SEC16A: variants seen among roughly 807,000 people sequenced by gnomAD.
SEC16A encodes protein transport protein Sec16A.
In SEC16A, 110 loss-of-function variants were observed where a neutral mutation model predicts 221.9. The ratio of observed to expected loss-of-function variants is 0.50; its 90% CI spans 0.42 to 0.58. The LOEUF is 0.58. Ranked by LOEUF, SEC16A falls within the 20% of genes least tolerant of loss-of-function variation. The pLI, the probability that SEC16A is intolerant of heterozygous loss-of-function variation, is 0.00. For missense variants in SEC16A, 3,165 were observed against 3,097.8 expected (o/e 1.02, Z -0.52); for synonymous variants, 1,393 against 1,257.7 (o/e 1.11, Z -2.28).
In SEC16A at chr9:136,459,901, C is replaced by G. The variant is rs532036506; in HGVS notation, c.5074-27G>C. On this transcript the variant is annotated intron_variant, in intron 14 of 31. Coordinates refer to ENST00000684901, the MANE Select transcript of SEC16A (RefSeq NM_014866.2). This position sits in a 1 kb window ranked among gnomAD's most constrained non-coding sequence, Gnocchi z 6.1. ...TAACATGAGGAAAAACAAAACGAAG[C>G]CTCATCCCCGGAAGCCAGCGCCATT... 1.9e-6 allele frequency: 3 copies of G among 1,595,970 alleles called. No homozygotes were observed. Among genetic ancestry groups the G allele is most frequent in the South Asian group, 2.2e-5 (2 of 89,102 alleles).
rs1320276253 is a variant in SEC16A at position 136,447,547 on chromosome 9, C to T, written c.6559+22G>A. The stretch of plus-strand genomic sequence containing the variant: ...GGACAGTTAATCGTTCAAGCAAGCT[C>T]CCACTCCAAGGCCACCCTTACCTGC... On this transcript the variant is annotated intron_variant, in intron 26 of 31. Coordinates refer to ENST00000684901, the MANE Select transcript of SEC16A (RefSeq NM_014866.2). This position sits in a 1 kb window ranked among gnomAD's most constrained non-coding sequence, Gnocchi z 5.5. 4 of 1,591,594 alleles carry T rather than the reference C, an allele frequency of 2.5e-6. No individual in the cohort carries two copies. Among genetic ancestry groups the T allele is most frequent in the Non-Finnish European group, 3.4e-6 (4 of 1,160,034 alleles).
intron 18 of SEC16A, among the ~76,000 whole-genome samples, chr9:136,456,562 G>C (rs544108836): frequency 6.6e-6 from 1 of 152,238 alleles, no homozygotes; most frequent in African/African-American, 2.4e-5. Flanking sequence ...CCCTGTGTTC[G>C]TAACCACTAA....
rs150824286 is a variant in SEC16A at position 136,475,675 on chromosome 9, T to C, written c.1941A>G (p.Pro647=). ...GGGAAGCATCGGGCAGGGCGGCAGC[T>C]GGTCTGCACTGCTTCTGGCGGACAC... ...ETCVRQKQCR[P]AAALPDASPG... Residue 647 remains proline, a synonymous_variant, in exon 3 of 32, where the codon CCA becomes CCG. Coordinates refer to ENST00000684901, the MANE Select transcript of SEC16A (RefSeq NM_014866.2). This position sits in a 1 kb window ranked among gnomAD's most constrained non-coding sequence, Gnocchi z 5.0. 36,199 of 1,613,698 alleles carry C rather than the reference T, an allele frequency of 0.022. 602 individuals carry two copies. The highest frequency in any genetic ancestry group is 0.072 in the Middle Eastern group (434 of 6,062).
intron 3 of SEC16A, 129 bp downstream of exon 3, chr9:136,473,920 A>T: frequency 1.0e-6 from 1 of 997,924 alleles, no homozygotes; most frequent in Non-Finnish European, 1.5e-6. Flanking sequence ...TACTGTTCTC[A>T]CGCCTGCGGG....
At position 136,476,890 on chromosome 9, in the gene SEC16A, G is replaced by A. The variant is rs11999525; in HGVS notation, c.726C>T (p.Pro242=). 0.23 allele frequency: 374,683 copies of A among 1,611,554 alleles called. 46,597 individuals are homozygous for A. Among genetic ancestry groups the A allele is most frequent in the Non-Finnish European group, 0.26 (307,031 of 1,179,636 alleles). The part of the protein sequence containing the change: ...CPEGPVPSGV[P]CATSVPHFPT... ...GGAAATGAGGAACGCTGGTGGCACA[G>A]GGCACCCCGCTGGGAACAGGTCCTT... The change falls in exon 3 of 32, where the codon CCC becomes CCT. Residue 242 remains proline, a synonymous_variant. Coordinates refer to ENST00000684901, the MANE Select transcript of SEC16A (RefSeq NM_014866.2).
In SEC16A at chr9:136,454,339, C is replaced by T. The variant is rs377720529; in HGVS notation, c.5858-12G>A. On this transcript the variant is annotated splice_polypyrimidine_tract_variant and intron_variant, in intron 20 of 31. Transcript: ENST00000684901. The stretch of plus-strand genomic sequence containing the variant: ...GAGCGTCTGCGGAGCTGCATGGGAA[C>T]GGTGGAGAAGAGGTCTGGGGTTACT... The T allele has an allele frequency of 2.2e-5, 34 of 1,561,974 alleles. No individual in the cohort carries two copies. Among genetic ancestry groups the T allele is most frequent in the East Asian group, 7.1e-5 (3 of 42,098 alleles).
At position 136,475,538 on chromosome 9, in the gene SEC16A, C is replaced by G; in HGVS notation, c.2078G>C (p.Gly693Ala). ...TEAVHMLPHA[G>A]APPLDTVYPA... is the part of the protein sequence containing the mutation. Reference sequence around the variant, plus strand: ...ATACACAGTATCCAAGGGCGGTGCCCCTGCGTGCGGAAGCATGTGCACAGC... The same window carrying G: ...ATACACAGTATCCAAGGGCGGTGCCGCTGCGTGCGGAAGCATGTGCACAGC... Residue 693 changes from glycine (G) to alanine (A), a missense_variant, in exon 3 of 32, where the codon GGG (glycine) becomes GCG (alanine). By Grantham distance (60) the Gly-to-Ala change is moderately conservative. Transcript: ENST00000684901. The surrounding 1 kb of genome is among the most constrained non-coding windows in gnomAD (Gnocchi z 5.0). 1 of 1,613,312 alleles carries G rather than the reference C, an allele frequency of 6.2e-7. No individual in the cohort carries two copies. The highest frequency in any genetic ancestry group is 8.5e-7 in the Non-Finnish European group (1 of 1,179,664).
rs750517376 is a variant in SEC16A at position 136,475,113 on chromosome 9, G to C, written c.2503C>G (p.His835Asp). 64 of 1,613,754 alleles carry C rather than the reference G, an allele frequency of 4.0e-5. No homozygotes were observed. Among genetic ancestry groups the C allele is most frequent in the Non-Finnish European group, 5.1e-5 (60 of 1,179,838 alleles). Residue 835 changes from histidine (H) to aspartate (D), a missense_variant, in exon 3 of 32, where the codon CAC becomes GAC. Physicochemically the swap from His to Asp is moderately conservative, Grantham distance 81 (BLOSUM62 -1). Around this residue, in one of 3 missense-constraint regions of SEC16A, gnomAD observed 2,030 missense variants for 1,923.1 expected, o/e 1.06. Transcript: ENST00000684901. This position sits in a 1 kb window ranked among gnomAD's most constrained non-coding sequence, Gnocchi z 5.0. ...ATGGGCTGAGCCAGATTATAGCTGT[G>C]ATCAGGCTGAGCAATCAAGACTGGA... is the stretch of plus-strand genomic sequence containing the variant. ...NPPVLIAQPDHSYNLAQPINF... is the reference protein window; with the variant it reads ...NPPVLIAQPDDSYNLAQPINF...
chr9:136,471,782 C>A (rs1840904958), intron 4 of SEC16A, among the ~76,000 whole-genome samples, 193 bp downstream of exon 4: 1 of 152,260 alleles, frequency 6.6e-6, no homozygotes, highest in Admixed American at 6.5e-5. Flanking sequence ...CCACCTGGGG[C>A]AGTGTTTAAT....
intron 5 of SEC16A, among the ~76,000 whole-genome samples, chr9:136,467,794 T>C (rs1840342618): frequency 6.6e-6 from 1 of 152,236 alleles, no homozygotes; most frequent in South Asian, 2.1e-4. Flanking sequence ...GGATATTTGA[T>C]ACTTGTCAAG....
chr9:136,451,750 G>T (rs556227676), intron 22 of SEC16A, among the ~76,000 whole-genome samples: 2 of 152,330 alleles, frequency 1.3e-5, no homozygotes, highest in Admixed American at 1.3e-4. Flanking sequence ...CTGGCCAGAG[G>T]GGGGCGATGG....
At chr9:136,484,424 T>A (rs1011852433), upstream of SEC16A, 4 of 1,199,584 alleles carry the variant, frequency 3.3e-6, no homozygotes, top group Non-Finnish European at 4.2e-6. Flanking sequence ...CGAGGGAGGC[T>A]GAGCGGTTGA....
chr9:136,458,650 C>T (rs576682554), intron 17 of SEC16A, among the ~76,000 whole-genome samples: 1 of 139,820 alleles, frequency 7.2e-6, no homozygotes, highest in Non-Finnish European at 1.5e-5. Flanking sequence ...AAAGCTCATA[C>T]AGGCTAGGTG....
intron 17 of SEC16A, 142 bp downstream of exon 17, chr9:136,458,992 C>G: frequency 3.6e-6 from 2 of 551,132 alleles, no homozygotes; most frequent in Non-Finnish European, 6.4e-6. Flanking sequence ...CATTTTAGAT[C>G]AAATGTCTTC....
rs750870428 is a variant in SEC16A at position 136,443,797 on chromosome 9, C to T, written c.7005+26G>A. The T allele has an allele frequency of 7.5e-6, 12 of 1,597,348 alleles. No individual in the cohort carries two copies. The Admixed American group carries it at 1.0e-4, about 14-fold the overall frequency. ...GTCGTCAGTGGGCGTGTTAGGGTCT[C>T]GTAGGGAAAGGTAGGAGTCACTCAC... is the stretch of plus-strand genomic sequence containing the variant. On this transcript the variant is annotated intron_variant, in intron 31 of 31. Transcript: ENST00000684901.
chr9:136,469,990 T>C (rs1331986293), intron 4 of SEC16A, among the ~76,000 whole-genome samples: 1 of 152,192 alleles, frequency 6.6e-6, no homozygotes, highest in Non-Finnish European at 1.5e-5. Context: ...AGCCGACCTT[T>C]CCAACCCCAG....
chr9:136,444,968 C>G, intron 30 of SEC16A, 84 bp downstream of exon 30: 3 of 1,203,918 alleles, frequency 2.5e-6, no homozygotes, highest in Non-Finnish European at 3.6e-6. Context: ...GCAAAGCGCA[C>G]GTGGCGAACC....
intron 30 of SEC16A, among the ~76,000 whole-genome samples, chr9:136,444,254 G>A (rs764337426): frequency 4.6e-5 from 7 of 152,146 alleles, no homozygotes; most frequent in Admixed American, 6.5e-5. Context: ...ATTTGCAGGC[G>A]GAAGGGTCGC....
chr9:136,456,568 A>G (rs1482741224), intron 18 of SEC16A, among the ~76,000 whole-genome samples: 1 of 152,238 alleles, frequency 6.6e-6, no homozygotes, highest in African/African-American at 2.4e-5. Flanking sequence ...GTTCGTAACC[A>G]CTAAGGTGGG....
Sources: gnomAD v4.1 joint callset for allele counts (sites outside exome capture counted in the v4.1 genomes callset) on GRCh38, gnomAD v4.1.1 for gene constraint, gnomAD v4.1.1 regional missense constraint, Gnocchi (gnomAD v3.1) non-coding constraint, MANE v1.5 for transcripts, NCBI Gene and HGNC (gene_info 2026-07-23, HGNC 2026-07-21) for gene names.